PCDHA1: variants seen among roughly 807,000 people sequenced by gnomAD.
PCDHA1 encodes the protein protocadherin alpha 1.
In PCDHA1, 42 loss-of-function variants were observed where a neutral mutation model predicts 61.3. That is an observed-to-expected ratio of 0.69 (90% CI 0.54 to 0.89). The LOEUF is 0.89. Ranked by LOEUF, PCDHA1 falls within the 40% of genes least tolerant of loss-of-function variation. The pLI, the probability that PCDHA1 is intolerant of heterozygous loss-of-function variation, is 0.00. For missense variants in PCDHA1, 1,256 were observed against 1,235.3 expected, an observed-to-expected ratio of 1.02 and a Z score of -0.25; for synonymous variants, 610 against 553.8, an observed-to-expected ratio of 1.10 and a Z score of -1.43.
Position 140,824,630 on chromosome 5 carries a change from TTTA to T in PCDHA1, c.2394+35949_2394+35951del, listed in dbSNP as rs1222367338. The T allele has an allele frequency of 6.7e-3, 821 of 121,994 alleles. 129 individuals carry two copies. The highest frequency in any genetic ancestry group is 0.019 in the African/African-American group (519 of 27,074). 7.6% of individuals were successfully genotyped at this position (121,994 alleles called of 1,614,324 possible). A position where few individuals can be genotyped will look rare whatever the true frequency, so the allele number is the denominator to read the frequency against. Reference sequence around the variant, plus strand: ...TTAAAGTTTTTTTTTTTTTTTTTTTTTTATTTTCTGTAGAGATAGGGGTCTTGC... The same window carrying T: ...TTAAAGTTTTTTTTTTTTTTTTTTTTTTTTCTGTAGAGATAGGGGTCTTGC... On this transcript the variant is annotated intron_variant, in intron 1 of 3. Coordinates refer to ENST00000504120, the MANE Select transcript of PCDHA1 (RefSeq NM_018900.4).
chr5:140,966,644 G>A, intron 1 of PCDHA1: 1 of 1,127,128 alleles, frequency 8.9e-7, no homozygotes, highest in Non-Finnish European at 1.2e-6. Context: ...GCTTTCTAGA[G>A]CGTGAGCGGT....
At chr5:140,848,867 G>A in intron 1 of PCDHA1, 1 of 1,590,766 alleles carries the variant, frequency 6.3e-7, no homozygotes, top group Non-Finnish European at 8.6e-7. Context: ...TGGAGGTGAA[G>A]GACATTAACG....
chr5:140,867,150 G>C lies in PCDHA1; in HGVS notation c.2394+78466G>C, dbSNP rs1027648085. On this transcript the variant is annotated intron_variant, in intron 1 of 3. Coordinates refer to ENST00000504120, the MANE Select transcript of PCDHA1 (RefSeq NM_018900.4). ...AATATGTGATATTATCATTTTTCCA[G>C]AGTAAACCTTCTAAGGTTCATTTCC... The C allele has an allele frequency of 2.0e-5, 3 of 152,068 alleles. No individual in the cohort carries two copies. The East Asian group carries it at 5.8e-4, about 29-fold the overall frequency. The allele number at this position is 152,068 out of a possible 1,614,324, so 9.4% of individuals were successfully genotyped here. A position where few individuals can be genotyped will look rare whatever the true frequency, so the allele number is the denominator to read the frequency against.
At chr5:140,836,729 T>C in intron 1 of PCDHA1, 2 of 1,610,386 alleles carry the variant, frequency 1.2e-6, no homozygotes, top group Non-Finnish European at 1.7e-6. Context: ...GTCCATCCTC[T>C]ACAGACAATG....
chr5:140,970,210 C>G (rs184537292), intron 1 of PCDHA1, among the ~76,000 whole-genome samples: 1 of 152,190 alleles, frequency 6.6e-6, no homozygotes, highest in Non-Finnish European at 1.5e-5. Context: ...CTGAATTTAG[C>G]TTAAATGCAG....
In PCDHA1 at chr5:140,937,196, C is replaced by G. The variant is rs915023517; in HGVS notation, c.2395-41753C>G. On this transcript the variant is annotated intron_variant, in intron 1 of 3. Transcript: ENST00000504120. ...GGGACTACAGGCGCCCGCCACCATG[C>G]CCGGCTAATTTTTTGTATTTTTTGT... Among the ~76,000 whole-genome samples, 5 of 152,108 alleles carry G rather than the reference C, an allele frequency of 3.3e-5. No homozygotes were observed. In the East Asian group the frequency reaches 7.8e-4, roughly 24 times the overall value.
intron 1 of PCDHA1, among the ~76,000 whole-genome samples, chr5:140,791,567 A>C (rs536395711): frequency 3.5e-4 from 46 of 131,048 alleles, no homozygotes; most frequent in African/African-American, 1.3e-3. Context: ...GAACCAGATA[A>C]ATTTTAAGAG....
chr5:140,857,982 G>C lies in PCDHA1; in HGVS notation c.2394+69298G>C, dbSNP rs782329809. The C allele has an allele frequency of 6.9e-6, 11 of 1,596,698 alleles. No individual in the cohort carries two copies. In the Admixed American group the frequency reaches 1.9e-4, roughly 27 times the overall value. ...GATGAGACTGACTCGCCACGCCAGC[G>C]CCTACTGGTGCTGGTGAAGGACCAT... On this transcript the variant is annotated intron_variant, in intron 1 of 3. Transcript: ENST00000504120.
intron 1 of PCDHA1, among the ~76,000 whole-genome samples, chr5:140,963,972 A>G (rs1233467161): frequency 2.0e-5 from 3 of 152,216 alleles, no homozygotes; most frequent in Non-Finnish European, 4.4e-5. Flanking sequence ...GACTGACTCC[A>G]AAGTCTATAT....
chr5:141,008,594 C>A (rs1018305560), intron 3 of PCDHA1, among the ~76,000 whole-genome samples: 1 of 152,214 alleles, frequency 6.6e-6, no homozygotes, highest in African/African-American at 2.4e-5. Context: ...GCAGATTTCA[C>A]CTCCTCTGGA....
At chr5:140,961,271 AC>A (rs1460316643) in intron 1 of PCDHA1, among the ~76,000 whole-genome samples, 1 of 152,208 alleles carries the variant, frequency 6.6e-6, no homozygotes, top group Non-Finnish European at 1.5e-5. Context: ...GCTTCTTTTT[AC>A]CATGGCTCTG....
intron 1 of PCDHA1, chr5:140,883,500 G>C (rs1562789727): frequency 6.2e-7 from 1 of 1,614,100 alleles, no homozygotes; most frequent in African/African-American, 1.3e-5. Flanking sequence ...GTGCTGGACA[G>C]CGCCCTGGAC....
chr5:140,972,406 A>T (rs75214457), intron 1 of PCDHA1, among the ~76,000 whole-genome samples: 3,555 of 151,374 alleles, frequency 0.023, 73 homozygotes, highest in Middle Eastern at 0.055. Flanking sequence ...CTATTGGCAA[A>T]CCCTGTTAAG....
chr5:140,950,865 T>C (rs1419138561), intron 1 of PCDHA1, among the ~76,000 whole-genome samples: 1 of 152,098 alleles, frequency 6.6e-6, no homozygotes, highest in Non-Finnish European at 1.5e-5. Context: ...TTCTTGTATA[T>C]TCTATATTGT....
intron 3 of PCDHA1, among the ~76,000 whole-genome samples, chr5:141,004,743 T>G (rs1554259718): frequency 6.6e-6 from 1 of 152,182 alleles, no homozygotes; most frequent in Admixed American, 6.5e-5. Flanking sequence ...CTCTTTTGTC[T>G]CAGTCTCTTA....
At chr5:140,876,740 T>G (rs782650836) in intron 1 of PCDHA1, 2 of 1,614,236 alleles carry the variant, frequency 1.2e-6, no homozygotes, top group East Asian at 4.5e-5. Context: ...GCCTATGAGC[T>G]GGTGGTGACT....
intron 1 of PCDHA1, chr5:140,927,491 T>G (rs2084266726): frequency 1.2e-6 from 2 of 1,614,118 alleles, no homozygotes; most frequent in Non-Finnish European, 1.7e-6. Flanking sequence ...GCCACCCACC[T>G]GCTGGTGCTT....
chr5:140,993,535 GAGAT>G (rs2097571300), intron 3 of PCDHA1, among the ~76,000 whole-genome samples: 1 of 151,900 alleles, frequency 6.6e-6, no homozygotes, highest in African/African-American at 2.4e-5. Context: ...GAGAGAGAGA[GAGAT>G]AGAGAAGTGA....
chr5:140,951,243 A>G (rs1192486913), intron 1 of PCDHA1, among the ~76,000 whole-genome samples: 3 of 152,172 alleles, frequency 2.0e-5, no homozygotes, highest in Non-Finnish European at 4.4e-5. Context: ...ACCTTTAGGA[A>G]TGCATCACAT....
Sources: allele counts gnomAD v4.1 joint callset (sites outside exome capture counted in the v4.1 genomes callset), GRCh38; gene constraint gnomAD v4.1.1; transcripts MANE v1.5; gene names NCBI Gene and HGNC (gene_info 2026-07-23, HGNC 2026-07-21).